ST6GAL2: variants seen among roughly 807,000 people sequenced by gnomAD.
The protein encoded by ST6GAL2 is beta-galactoside alpha-2,6-sialyltransferase 2.
ST6GAL2 carries 24 observed loss-of-function variants against 37.5 expected under a neutral mutation model. The ratio of observed to expected loss-of-function variants is 0.64; its 90% CI spans 0.46 to 0.90. The LOEUF is 0.90. Among genes scored for constraint, ST6GAL2 ranks in the 40% least tolerant of loss-of-function variants. The probability of loss-of-function intolerance (pLI) is 0.00; values close to 1 mark genes in which losing one functional copy is unlikely to be tolerated. For missense variants in ST6GAL2, 715 were observed against 712.7 expected (o/e 1.00, Z -0.04); for synonymous variants, 306 against 295.1 (o/e 1.04, Z -0.38).
chr2:106,848,043 CTT>C (rs1170945878), intron 1 of ST6GAL2, among the ~76,000 whole-genome samples: 60 of 140,082 alleles, frequency 4.3e-4, no homozygotes, highest in South Asian at 9.2e-4. Flanking sequence ...TTTTCTCTTT[CTT>C]TTTTTTTTTT....
chr2:106,867,732 C>T (rs1209230276), intron 1 of ST6GAL2, among the ~76,000 whole-genome samples: 1 of 152,100 alleles, frequency 6.6e-6, no homozygotes, highest in Middle Eastern at 3.4e-3. Context: ...AAAATGAGCA[C>T]TGGTTGTAAG....
intron 1 of ST6GAL2, among the ~76,000 whole-genome samples, chr2:106,877,062 T>C (rs771196740): frequency 1.1e-4 from 17 of 152,316 alleles, no homozygotes; most frequent in Non-Finnish European, 2.1e-4. Flanking sequence ...CACATTCCAT[T>C]TGACATCATG....
chr2:106,876,234 G>A (rs1678497774), intron 1 of ST6GAL2, among the ~76,000 whole-genome samples: 1 of 152,070 alleles, frequency 6.6e-6, no homozygotes, highest in South Asian at 2.1e-4. Context: ...TCAAGATTTA[G>A]AGTAAAATGT....
chr2:106,833,273 T>C (rs1342342578), intron 3 of ST6GAL2, among the ~76,000 whole-genome samples: 1 of 152,204 alleles, frequency 6.6e-6, no homozygotes, highest in Non-Finnish European at 1.5e-5. Context: ...ACAGATGATA[T>C]GTATTCTAAT....
At chr2:106,832,726 T>G in intron 3 of ST6GAL2, 60 bp from the exon 4 acceptor site, 1 of 1,078,620 alleles carries the variant, frequency 9.3e-7, no homozygotes. Flanking sequence ...AATTGCATTT[T>G]AAAAAGAGGT....
At chr2:106,844,089 C>T in intron 1 of ST6GAL2, 55 bp from the exon 2 acceptor site, 3 of 831,612 alleles carry the variant, frequency 3.6e-6, no homozygotes, top group Non-Finnish European at 5.6e-6. Flanking sequence ...TCAGATGCTG[C>T]TGGGGACATT....
rs1041429687 is a variant in ST6GAL2 at position 106,812,960 on chromosome 2, A to G, written c.1319-6011T>C. On this transcript the variant is annotated intron_variant, in intron 5 of 5. Transcript: ENST00000409382. The stretch of plus-strand genomic sequence containing the variant: ...AATTAACAACTTTATCACTAATGAA[A>G]GTTTTACTGCTTTCAACATGAGGCT... 9.4e-5 allele frequency: 94 copies of G among 1,000,238 alleles called. 1 individual carries two copies. The Admixed American group carries it at 4.0e-3, about 42-fold the overall frequency. The allele number at this position is 1,000,238 out of a possible 1,614,324, so 62.0% of individuals were successfully genotyped here.
At position 106,872,870 on chromosome 2, in the gene ST6GAL2, G is replaced by T. The variant is rs55925840; in HGVS notation, c.-58+13223C>A. On this transcript the variant is annotated intron_variant, in intron 1 of 5. Coordinates refer to ENST00000409382, the MANE Select transcript of ST6GAL2 (RefSeq NM_001142351.2). ...TATTTAATACTGAAGATCACTTAAT[G>T]TTCCTAACTTCAATCGCTGGTAATT... Among the ~76,000 whole-genome samples, 867 of 152,170 alleles carry T rather than the reference G, an allele frequency of 5.7e-3. 12 individuals are homozygous for T. The highest frequency in any genetic ancestry group is 0.02 in the African/African-American group (825 of 41,506).
At position 106,851,670 on chromosome 2, in the gene ST6GAL2, C is replaced by CTT. The variant is rs5833214; in HGVS notation, c.-57-7638_-57-7637dup. On this transcript the variant is annotated intron_variant, in intron 1 of 5. Transcript: ENST00000409382. ...TCTTGACTGGAGAGTGTTTTTCTTT[C>CTT]TTTTTTTTTTTTTTTTCACATTTTG... is the stretch of plus-strand genomic sequence containing the variant. Among the ~76,000 whole-genome samples the CTT allele has an allele frequency of 2.4e-3, 328 of 135,854 alleles. 2 individuals carry two copies. The highest frequency in any genetic ancestry group is 8.1e-3 in the African/African-American group (300 of 36,994). The allele number at this position is 135,854 out of a possible 152,430, so 89.1% of individuals were successfully genotyped here.
intron 1 of ST6GAL2, among the ~76,000 whole-genome samples, chr2:106,850,200 GAGA>G (rs1410601647): frequency 1.3e-5 from 2 of 152,174 alleles, no homozygotes; most frequent in East Asian, 1.9e-4. Context: ...GAAAGGAAGG[GAGA>G]AGAATGAGAG....
In ST6GAL2 at chr2:106,843,893, A is replaced by C; in HGVS notation, c.85T>G (p.Tyr29Asp). The C allele has an allele frequency of 6.2e-7, 1 of 1,605,722 alleles. No homozygotes were observed. Among genetic ancestry groups the C allele is most frequent in the Non-Finnish European group, 8.5e-7 (1 of 1,179,152 alleles). The change falls in exon 2 of 6, where the codon TAC (tyrosine) becomes GAC (aspartate). Residue 29 changes from tyrosine (Y) to aspartate (D), a missense_variant. Tyr to Asp is a radical substitution (Grantham distance 160). Around this residue, in one of 3 missense-constraint regions of ST6GAL2, gnomAD observed 512 missense variants for 488.8 expected, o/e 1.05. Coordinates refer to ENST00000409382, the MANE Select transcript of ST6GAL2 (RefSeq NM_001142351.2). Reference protein sequence around the residue: ...WGLLFLLIFIYFTDSNPAEPV... With the variant: ...WGLLFLLIFIDFTDSNPAEPV... ...TCAGCGGGGTTGCTGTCGGTGAAGT[A>C]GATGAAAATCAGCAAAAAGAGGAGC...
rs1466170216 is a variant in ST6GAL2, at chr2:106,821,623, C to A, written c.1318+8443G>T. 2.0e-5 allele frequency among the ~76,000 whole-genome samples: 3 copies of A among 151,850 alleles called. No homozygotes were observed. In the East Asian group the frequency reaches 5.8e-4, roughly 29 times the overall value. ...GAACTAATACCAATCTTACTCAAAC[C>A]ATTCTGAAAAATAAAGGAGGAGGGA... On this transcript the variant is annotated intron_variant, in intron 5 of 5. Coordinates refer to ENST00000409382, the MANE Select transcript of ST6GAL2 (RefSeq NM_001142351.2).
rs1236452097 is a variant in ST6GAL2, at chr2:106,885,712, T to C, written c.-58+381A>G. Among the ~76,000 whole-genome samples the C allele has an allele frequency of 2.6e-5, 4 of 152,128 alleles. No homozygotes were observed. The East Asian group carries it at 7.7e-4, about 29-fold the overall frequency. ...ACTCGGGTATTTAGGATTCTAAAGA[T>C]CCCTACTACCCCAAACATTATAGCC... On this transcript the variant is annotated intron_variant, in intron 1 of 5. Coordinates refer to ENST00000409382, the MANE Select transcript of ST6GAL2 (RefSeq NM_001142351.2).
intron 1 of ST6GAL2, among the ~76,000 whole-genome samples, chr2:106,884,657 T>C (rs925853788): frequency 6.6e-6 from 1 of 152,146 alleles, no homozygotes; most frequent in African/African-American, 2.4e-5. Context: ...AGTGCCTTTT[T>C]AACTTTGCAG....
chr2:106,843,078 C>T lies in ST6GAL2; in HGVS notation c.900G>A (p.Met300Ile). 1 of 1,497,396 alleles carries T rather than the reference C, an allele frequency of 6.7e-7. No individual in the cohort carries two copies. The highest frequency in any genetic ancestry group is 1.5e-5 in the African/African-American group (1 of 68,858). 92.8% of individuals were successfully genotyped at this position (1,497,396 alleles called of 1,614,324 possible). ...PRGLRSCAVVMSAGAILNSSL... is the reference protein window; with the variant it reads ...PRGLRSCAVVISAGAILNSSL... ...AAGAGTTGAGGATTGCGCCTGCAGA[C>T]ATGACGACAGCGCAGCTGCGCAGGC... The change falls in exon 2 of 6, where the codon ATG becomes ATA. Residue 300 changes from methionine to isoleucine, a missense_variant. Met to Ile is a conservative substitution (Grantham distance 10). Around this residue, in one of 3 missense-constraint regions of ST6GAL2, gnomAD observed 512 missense variants for 488.8 expected, o/e 1.05. Transcript: ENST00000409382.
intron 5 of ST6GAL2, among the ~76,000 whole-genome samples, chr2:106,815,974 C>CA (rs1675787603): frequency 6.6e-6 from 1 of 152,144 alleles, no homozygotes; most frequent in South Asian, 2.1e-4. Flanking sequence ...TGCTGCTTCA[C>CA]AGTGAGGGAG....
intron 2 of ST6GAL2, among the ~76,000 whole-genome samples, chr2:106,838,697 TTATC>T (rs2104499316): frequency 6.6e-6 from 1 of 152,272 alleles, no homozygotes; most frequent in African/African-American, 2.4e-5. Flanking sequence ...GGGAACAAAG[TTATC>T]TATCACTTAG....
At chr2:106,871,214 A>G (rs1345958258) in intron 1 of ST6GAL2, among the ~76,000 whole-genome samples, 1 of 152,214 alleles carries the variant, frequency 6.6e-6, no homozygotes, top group African/African-American at 2.4e-5. Context: ...AAAATATGGT[A>G]TAAAAGATTT....
At chr2:106,822,208 C>A (rs1676031029) in intron 5 of ST6GAL2, among the ~76,000 whole-genome samples, 1 of 151,980 alleles carries the variant, frequency 6.6e-6, no homozygotes, top group Non-Finnish European at 1.5e-5. Flanking sequence ...CGAATGGAAG[C>A]AGTCAAATGA....
Sources: allele counts gnomAD v4.1 joint callset (sites outside exome capture counted in the v4.1 genomes callset), GRCh38; gene constraint gnomAD v4.1.1; regional missense constraint gnomAD v4.1.1; transcripts MANE v1.5; gene names NCBI Gene and HGNC (gene_info 2026-07-23, HGNC 2026-07-21).